C16orf74: variants seen among roughly 807,000 people sequenced by gnomAD.
C16orf74 encodes the protein calcimembrin.
A neutral mutation model predicts 6.5 loss-of-function variants in C16orf74; 10 were observed. The ratio of observed to expected loss-of-function variants is 1.54; its 90% CI spans 0.95 to 2.61. The LOEUF is 2.61. C16orf74 is among the 30% of genes most tolerant of loss of function. The pLI, the probability that C16orf74 is intolerant of heterozygous loss-of-function variation, is 0.00. For missense variants in C16orf74, 141 were observed against 105.9 expected (o/e 1.33, Z -1.45); for synonymous variants, 60 against 42.5 (o/e 1.41, Z -1.60).
chr16:85,740,170 A>G lies in C16orf74; in HGVS notation c.-18-4935T>C, dbSNP rs78855679. ...GGTTGTAGGGAGCCGAGATCACGCC[A>G]TTGCACCCATAGGCTGGGCGACAAG... is the stretch of plus-strand genomic sequence containing the variant. On this transcript the variant is annotated intron_variant, in intron 1 of 3. Coordinates refer to ENST00000284245, the MANE Select transcript of C16orf74 (RefSeq NM_206967.3). Among the ~76,000 whole-genome samples, 175 of 141,672 alleles carry G rather than the reference A, an allele frequency of 1.2e-3. 4 individuals are homozygous for G. The East Asian group carries it at 0.035, about 28-fold the overall frequency. 92.9% of individuals were successfully genotyped at this position (141,672 alleles called of 152,430 possible).
At chr16:85,709,347 C>T (rs1337828755) in intron 3 of C16orf74, among the ~76,000 whole-genome samples, 1 of 151,996 alleles carries the variant, frequency 6.6e-6, no homozygotes, top group African/African-American at 2.4e-5. Flanking sequence ...AAGCAACACT[C>T]CATCTCAAAA....
chr16:85,713,818 C>T lies in C16orf74; in HGVS notation c.29-3511G>A, dbSNP rs554924887. Among the ~76,000 whole-genome samples the T allele has an allele frequency of 1.4e-4, 21 of 152,308 alleles. No homozygotes were observed. The South Asian group carries it at 1.7e-3, about 12-fold the overall frequency. On this transcript the variant is annotated intron_variant, in intron 2 of 3. Coordinates refer to ENST00000284245, the MANE Select transcript of C16orf74 (RefSeq NM_206967.3). The stretch of plus-strand genomic sequence containing the variant: ...GATGCTCTGTGCTGTCACGCACCAT[C>T]GTCAGGAGGAGTTGGTGCTGTCCAT...
chr16:85,748,188 A>G (rs1353013602), intron 1 of C16orf74, among the ~76,000 whole-genome samples: 1 of 151,360 alleles, frequency 6.6e-6, no homozygotes, highest in East Asian at 1.9e-4. Context: ...ACACATACAT[A>G]CATTGGTTTC....
intron 1 of C16orf74, among the ~76,000 whole-genome samples, chr16:85,746,914 C>G (rs188920281): frequency 6.6e-6 from 1 of 152,244 alleles, no homozygotes; most frequent in Non-Finnish European, 1.5e-5. Flanking sequence ...GGAAGCGATA[C>G]TGCAAGCATT....
chr16:85,734,045 A>G (rs895156418), intron 2 of C16orf74, among the ~76,000 whole-genome samples: 6 of 151,960 alleles, frequency 3.9e-5, no homozygotes, highest in Middle Eastern at 3.2e-3. Context: ...GGGCCTTTTC[A>G]CGCCTCCTTA....
chr16:85,714,114 C>T (rs1352581675), intron 2 of C16orf74, among the ~76,000 whole-genome samples: 2 of 152,124 alleles, frequency 1.3e-5, no homozygotes, highest in African/African-American at 4.8e-5. Flanking sequence ...CTCTTTGCAG[C>T]CTTCTTGTTT....
At chr16:85,723,369 C>T (rs1388896020) in intron 2 of C16orf74, among the ~76,000 whole-genome samples, 4 of 151,328 alleles carry the variant, frequency 2.6e-5, no homozygotes, top group Non-Finnish European at 5.9e-5. Context: ...GCATTTGAAG[C>T]CAGCCTGGGC....
intron 3 of C16orf74, among the ~76,000 whole-genome samples, chr16:85,708,273 C>T (rs2053933354): frequency 6.6e-6 from 1 of 152,176 alleles, no homozygotes; most frequent in Admixed American, 6.5e-5. Flanking sequence ...GAACCCCTCC[C>T]AGCGTTCAGG....
At chr16:85,731,059 T>C (rs910521531) in intron 2 of C16orf74, among the ~76,000 whole-genome samples, 6 of 152,210 alleles carry the variant, frequency 3.9e-5, no homozygotes, top group Non-Finnish European at 5.9e-5. Context: ...TTCTACTGGA[T>C]GGTGTGGCTC....
chr16:85,725,225 G>C (rs1032448047), intron 2 of C16orf74, among the ~76,000 whole-genome samples: 8 of 152,220 alleles, frequency 5.3e-5, no homozygotes, highest in African/African-American at 9.6e-5. Flanking sequence ...CTGGAGTGGG[G>C]TGTCTCTCAG....
chr16:85,712,271 C>A (rs2053977956), intron 2 of C16orf74, among the ~76,000 whole-genome samples: 1 of 152,232 alleles, frequency 6.6e-6, no homozygotes, highest in Admixed American at 6.5e-5. Context: ...GAGCCAGAAC[C>A]ACCCAGATAA....
intron 2 of C16orf74, among the ~76,000 whole-genome samples, chr16:85,719,490 A>G (rs1309515930): frequency 6.6e-6 from 1 of 152,134 alleles, no homozygotes. Flanking sequence ...TGATCCTCCC[A>G]GTGAGGCAGC....
At chr16:85,712,153 C>T (rs1259090577) in intron 2 of C16orf74, among the ~76,000 whole-genome samples, 3 of 152,244 alleles carry the variant, frequency 2.0e-5, no homozygotes, top group Non-Finnish European at 4.4e-5. Context: ...CTCTAGCCAA[C>T]AGCCACAAGG....
In C16orf74 at chr16:85,714,582, G is replaced by A. The variant is rs528528753; in HGVS notation, c.29-4275C>T. Among the ~76,000 whole-genome samples, 195 of 151,686 alleles carry A rather than the reference G, an allele frequency of 1.3e-3. 1 individual carries two copies. Among genetic ancestry groups the A allele is most frequent in the African/African-American group, 4.5e-3 (187 of 41,380 alleles). The stretch of plus-strand genomic sequence containing the variant: ...TTACAGGCGCCTGCCACCACACCCA[G>A]CTAATTTTTATATTTTTCGTAGAGA... On this transcript the variant is annotated intron_variant, in intron 2 of 3. Coordinates refer to ENST00000284245, the MANE Select transcript of C16orf74 (RefSeq NM_206967.3).
intron 1 of C16orf74, among the ~76,000 whole-genome samples, chr16:85,745,804 C>A (rs1044690166): frequency 6.6e-6 from 1 of 151,514 alleles, no homozygotes; most frequent in African/African-American, 2.4e-5. Context: ...TCCAAAGACA[C>A]AGAATCTCCC....
intron 1 of C16orf74, among the ~76,000 whole-genome samples, chr16:85,735,528 G>A (rs189463638): frequency 1.3e-5 from 2 of 152,144 alleles, no homozygotes; most frequent in African/African-American, 4.8e-5. Flanking sequence ...CCCAGGAGGC[G>A]GAGGCTGCAG....
At chr16:85,735,543 C>A (rs917417172) in intron 1 of C16orf74, among the ~76,000 whole-genome samples, 1 of 152,196 alleles carries the variant, frequency 6.6e-6, no homozygotes, top group African/African-American at 2.4e-5. Flanking sequence ...CTGCAGTGAA[C>A]TGATGATGGG....
At chr16:85,727,964 C>CA (rs59377902) in intron 2 of C16orf74, among the ~76,000 whole-genome samples, 5,527 of 75,470 alleles carry the variant, frequency 0.073, 218 homozygotes, top group African/African-American at 0.14. Flanking sequence ...CCCTTCTCTA[C>CA]AAAAAAAAAA....
At chr16:85,732,605 G>A (rs371270177) in intron 2 of C16orf74, among the ~76,000 whole-genome samples, 1 of 143,094 alleles carries the variant, frequency 7.0e-6, no homozygotes, top group South Asian at 2.4e-4. Context: ...GGCGGGGGTT[G>A]CAGTGAGTCG....
Sources: allele counts gnomAD v4.1 joint callset (sites outside exome capture counted in the v4.1 genomes callset), GRCh38; gene constraint gnomAD v4.1.1; transcripts MANE v1.5; gene names NCBI Gene and HGNC (gene_info 2026-07-23, HGNC 2026-07-21).